The following SLC5A6 variants were observed in gnomAD, a reference collection of about 807,000 sequenced individuals.
SLC5A6 encodes solute carrier family 5 member 6.
Under a neutral mutation model 67.9 loss-of-function variants are expected in SLC5A6, and 31 were observed. That is an observed-to-expected ratio of 0.46 (90% CI 0.34 to 0.62). The LOEUF (loss-of-function observed/expected upper bound fraction) is 0.62. SLC5A6 is among the 20% of genes least tolerant of loss of function. The pLI is 0.01. For synonymous variants in SLC5A6, 343 were observed against 331.0 expected (o/e 1.04, Z -0.39); for missense variants, 673 against 812.8 (o/e 0.83, Z 2.09).
Position 27,207,529 on chromosome 2 carries a change from G to C in SLC5A6, c.122C>G (p.Ala41Gly), listed in dbSNP as rs774958059. ...ACGACAAGCATGGTAGAGCCCAATG[G>C]CAAGAGAGAGAACCAGCAGCAGGAC... Reference protein sequence around the residue: ...VFVLLLVLSLAIGLYHACRGW... With the variant: ...VFVLLLVLSLGIGLYHACRGW... Residue 41 changes from alanine to glycine, a missense_variant, in exon 3 of 17, where the codon GCC (alanine) becomes GGC (glycine). Coordinates refer to ENST00000310574, the MANE Select transcript of SLC5A6 (RefSeq NM_021095.4). The surrounding 1 kb of genome is among the most constrained non-coding windows in gnomAD (Gnocchi z 5.5). 2.3e-5 allele frequency: 37 copies of C among 1,614,126 alleles called. No individual in the cohort carries two copies. Among genetic ancestry groups the C allele is most frequent in the Non-Finnish European group, 3.1e-5 (36 of 1,180,058 alleles).
In SLC5A6 at chr2:27,207,778, T is replaced by C. The variant is rs1674183332; in HGVS notation, c.-128A>G. On this transcript the variant is annotated 5_prime_UTR_variant, in exon 3 of 17. Coordinates refer to ENST00000310574, the MANE Select transcript of SLC5A6 (RefSeq NM_021095.4). This position sits in a 1 kb window ranked among gnomAD's most constrained non-coding sequence, Gnocchi z 5.5. Reference sequence around the variant, plus strand: ...ACAGTCTTCCTCCACGGAGTGATACTGTCCAGGGTGAGCTGCAAAGGAATT... The same window carrying C: ...ACAGTCTTCCTCCACGGAGTGATACCGTCCAGGGTGAGCTGCAAAGGAATT... 1 of 843,988 alleles carries C rather than the reference T, an allele frequency of 1.2e-6. No individual in the cohort carries two copies. The highest frequency in any genetic ancestry group is 1.8e-5 in the South Asian group (1 of 56,658). 52.3% of individuals were successfully genotyped at this position (843,988 alleles called of 1,614,324 possible). A position where few individuals can be genotyped will look rare whatever the true frequency, so the allele number is the denominator to read the frequency against.
chr2:27,202,977 G>C, intron 11 of SLC5A6, 97 bp from the exon 12 acceptor site: 1 of 1,566,958 alleles, frequency 6.4e-7, no homozygotes, highest in Non-Finnish European at 8.6e-7. Context: ...TACCACCTCT[G>C]TCTCTCTGGA....
rs570178151 is a variant in SLC5A6, at chr2:27,199,665, G to A, written c.*771C>T. The A allele has an allele frequency of 4.6e-5, 7 of 152,534 alleles. No homozygotes were observed. In the East Asian group the frequency reaches 5.6e-4, roughly 12 times the overall value. 9.4% of individuals were successfully genotyped at this position (152,534 alleles called of 1,614,324 possible). A position where few individuals can be genotyped will look rare whatever the true frequency, so the allele number is the denominator to read the frequency against. The stretch of plus-strand genomic sequence containing the variant: ...GAAACTCCAAAAGGAAACAGAGCAC[G>A]GATGACAGAAATGACACCACGGCAG... On this transcript the variant is annotated 3_prime_UTR_variant, in exon 17 of 17. Coordinates refer to ENST00000310574, the MANE Select transcript of SLC5A6 (RefSeq NM_021095.4).
chr2:27,201,320 C>T, intron 15 of SLC5A6, 30 bp downstream of exon 15: 1 of 1,441,992 alleles, frequency 6.9e-7, no homozygotes, highest in South Asian at 1.1e-5. Context: ...CCCCTCGGTG[C>T]TCATCTGCAC....
At chr2:27,205,196 AC>A in intron 7 of SLC5A6, 153 bp downstream of exon 7, 1 of 779,630 alleles carries the variant, frequency 1.3e-6, no homozygotes, top group Non-Finnish European at 2.0e-6. Context: ...ACCTGTAATC[AC>A]CCTCCATCTC....
chr2:27,204,321 G>A, intron 9 of SLC5A6, 140 bp downstream of exon 9: 1 of 918,060 alleles, frequency 1.1e-6, no homozygotes, highest in South Asian at 1.7e-5. Context: ...TAGATTCCTA[G>A]CATCTCAGAG....
upstream of SLC5A6, chr2:27,212,285 G>T: frequency 6.4e-7 from 1 of 1,553,374 alleles, no homozygotes; most frequent in Middle Eastern, 1.7e-4. Context: ...CTTAGGCCAC[G>T]CCCGGGGAAG....
intron 2 of SLC5A6, among the ~76,000 whole-genome samples, chr2:27,210,523 T>A (rs2148027932): frequency 1.3e-5 from 2 of 148,416 alleles, no homozygotes; most frequent in East Asian, 4.1e-4. Flanking sequence ...CTCCACCTCC[T>A]GGGTTCAAGT....
intron 5 of SLC5A6, 54 bp downstream of exon 5, chr2:27,206,429 A>G: frequency 1.3e-6 from 2 of 1,537,802 alleles, no homozygotes; most frequent in African/African-American, 1.4e-5. Flanking sequence ...CCTCTCCCAA[A>G]GGTGCTTTCC....
intron 1 of SLC5A6, 72 bp downstream of exon 1, chr2:27,211,948 G>A: frequency 2.1e-6 from 1 of 477,940 alleles, no homozygotes; most frequent in Non-Finnish European, 3.6e-6. Context: ...GAGAGCCCTG[G>A]CCGGGAGCCC....
chr2:27,204,341 AT>A, intron 9 of SLC5A6, 119 bp downstream of exon 9: 2 of 1,173,510 alleles, frequency 1.7e-6, no homozygotes, highest in Non-Finnish European at 1.2e-6. Context: ...GTGGGAAAGG[AT>A]TTTACAACCG....
rs1673500752 is a variant in SLC5A6, at chr2:27,200,065, TG to T, written c.*370del. The T allele has an allele frequency of 6.0e-6, 1 of 167,124 alleles. No individual in the cohort carries two copies. The highest frequency in any genetic ancestry group is 6.0e-5 in the Admixed American group (1 of 16,538). 10.4% of individuals were successfully genotyped at this position (167,124 alleles called of 1,614,324 possible). On this transcript the variant is annotated 3_prime_UTR_variant, in exon 17 of 17. Transcript: ENST00000310574. ...GGAGAGTCAGTCCTGAATCAGGCCC[TG>T]GGGCAATTATAACCAGAGTGCTGTT...
At chr2:27,203,653 G>A in intron 10 of SLC5A6, 126 bp downstream of exon 10, 1 of 737,488 alleles carries the variant, frequency 1.4e-6, no homozygotes, top group Non-Finnish European at 2.4e-6. Context: ...CATGCACACA[G>A]ATGGGGCAGG....
At chr2:27,206,833 C>G in intron 4 of SLC5A6, 44 bp downstream of exon 4, 1 of 1,446,852 alleles carries the variant, frequency 6.9e-7, no homozygotes, top group East Asian at 2.3e-5. Context: ...CGTTCAGGTC[C>G]CCCAACATGC....
chr2:27,212,070 C>T lies in SLC5A6; in HGVS notation c.-258G>A. 1 of 1,246,158 alleles carries T rather than the reference C, an allele frequency of 8.0e-7. No homozygotes were observed. Among genetic ancestry groups the T allele is most frequent in the South Asian group, 1.5e-5 (1 of 65,408 alleles). 77.2% of individuals were successfully genotyped at this position (1,246,158 alleles called of 1,614,324 possible). On this transcript the variant is annotated 5_prime_UTR_variant, in exon 1 of 17. Coordinates refer to ENST00000310574, the MANE Select transcript of SLC5A6 (RefSeq NM_021095.4). ...TTCTGCGAAGCCGCGACCTCGGCGT[C>T]CGGACGCGGGGAACACCGGGCTGAG... is the stretch of plus-strand genomic sequence containing the variant.
chr2:27,210,009 T>A (rs1453633381), intron 2 of SLC5A6, among the ~76,000 whole-genome samples: 1 of 152,166 alleles, frequency 6.6e-6, no homozygotes, highest in East Asian at 1.9e-4. Context: ...TGGGAACTAC[T>A]GGGGAGTAAG....
chr2:27,205,652 T>C (rs1315909282), intron 6 of SLC5A6, 148 bp from the exon 7 acceptor site: 3 of 945,748 alleles, frequency 3.2e-6, no homozygotes, highest in South Asian at 1.4e-5. Flanking sequence ...TTTCTGTCTC[T>C]GGTGATATGT....
upstream of SLC5A6, chr2:27,212,388 G>T (rs767986269): frequency 8.4e-6 from 13 of 1,550,760 alleles, no homozygotes; most frequent in African/African-American, 4.1e-5. Flanking sequence ...CACGACCCGG[G>T]TAGTCTTACG....
chr2:27,203,389 GTCA>G (rs1558505867), intron 10 of SLC5A6, 44 bp from the exon 11 acceptor site: 3 of 1,566,018 alleles, frequency 1.9e-6, no homozygotes, highest in Non-Finnish European at 2.6e-6. Flanking sequence ...AGGCAAAATT[GTCA>G]GCTCTATGGG....
Sources: gnomAD v4.1 joint callset for allele counts (sites outside exome capture counted in the v4.1 genomes callset) on GRCh38, gnomAD v4.1.1 for gene constraint, Gnocchi (gnomAD v3.1) non-coding constraint, MANE v1.5 for transcripts, NCBI Gene and HGNC (gene_info 2026-07-23, HGNC 2026-07-21) for gene names.